TSC22D2: variants seen among roughly 807,000 people sequenced by gnomAD.
TSC22D2 encodes the protein TSC22 domain family protein 2.
A neutral mutation model predicts 50.1 loss-of-function variants in TSC22D2; 5 were observed. The observed-to-expected ratio is 0.10, with a 90% confidence interval of 0.05 to 0.21. The LOEUF is 0.21. Ranked by LOEUF, TSC22D2 falls within the 10% of genes least tolerant of loss-of-function variation. The probability of loss-of-function intolerance (pLI) is 1.00; values close to 1 mark genes in which losing one functional copy is unlikely to be tolerated. For synonymous variants in TSC22D2, 501 were observed against 450.1 expected (o/e 1.11, Z -1.43); for missense variants, 1,003 against 1,015.5 (o/e 0.99, Z 0.17).
chr3:150,411,037 C>A lies in TSC22D2; in HGVS notation c.1687C>A (p.Pro563Thr). 1 of 1,614,186 alleles carries A rather than the reference C, an allele frequency of 6.2e-7. No individual in the cohort carries two copies. The highest frequency in any genetic ancestry group is 8.5e-7 in the Non-Finnish European group (1 of 1,180,044). ...CCAGCATGTTGGGCTGCCCTTAGCG[C>A]CAGGCACACACAGCGCACCAACAAG... ...IIQHVGLPLAPGTHSAPTSLP... is the reference protein window; with the variant it reads ...IIQHVGLPLATGTHSAPTSLP... Residue 563 changes from proline to threonine, a missense_variant, in exon 1 of 3, where the codon CCA becomes ACA. By Grantham distance (38) the Pro-to-Thr change is conservative. Coordinates refer to ENST00000688009, the MANE Select transcript of TSC22D2 (RefSeq NM_001303264.2).
chr3:150,408,902 G>A lies in TSC22D2; in HGVS notation c.-449G>A. The A allele has an allele frequency of 6.1e-6, 1 of 164,628 alleles. No homozygotes were observed. Among genetic ancestry groups the A allele is most frequent in the Non-Finnish European group, 1.3e-5 (1 of 76,018 alleles). 10.2% of individuals were successfully genotyped at this position (164,628 alleles called of 1,614,324 possible). A position where few individuals can be genotyped will look rare whatever the true frequency, so the allele number is the denominator to read the frequency against. On this transcript the variant is annotated 5_prime_UTR_variant, in exon 1 of 3. Coordinates refer to ENST00000688009, the MANE Select transcript of TSC22D2 (RefSeq NM_001303264.2). ...GGGCAGCACCGCCCCTCACGCCGCCGCCACCGCCTCCTCCTCCTCCTCTTC... is the reference window on the plus strand; with the variant it reads ...GGGCAGCACCGCCCCTCACGCCGCCACCACCGCCTCCTCCTCCTCCTCTTC...
At chr3:150,445,002 A>G (rs1720833378) in intron 1 of TSC22D2, among the ~76,000 whole-genome samples, 2 of 152,168 alleles carry the variant, frequency 1.3e-5, no homozygotes, top group Admixed American at 1.3e-4. Flanking sequence ...TTCATATAAC[A>G]CTACTAAAGG....
At position 150,448,045 on chromosome 3, in the gene TSC22D2, A is replaced by G. The variant is rs370821006; in HGVS notation, c.1959-9031A>G. ...CCTGCTCTAAATGTTAAGTACTTCAATATCAAGGAAAATGCCACCCTCCTC... is the reference window on the plus strand; with the variant it reads ...CCTGCTCTAAATGTTAAGTACTTCAGTATCAAGGAAAATGCCACCCTCCTC... On this transcript the variant is annotated intron_variant, in intron 1 of 2. Transcript: ENST00000688009. 5.9e-5 allele frequency among the ~76,000 whole-genome samples: 9 copies of G among 152,314 alleles called. No individual in the cohort carries two copies. The East Asian group carries it at 7.7e-4, about 13-fold the overall frequency.
chr3:150,448,765 G>A (rs914362465), intron 1 of TSC22D2, among the ~76,000 whole-genome samples: 1 of 151,608 alleles, frequency 6.6e-6, no homozygotes, highest in Non-Finnish European at 1.5e-5. Context: ...CAAGAAAAAA[G>A]TAATTTTATC....
At chr3:150,449,960 A>G (rs1415728986) in intron 1 of TSC22D2, among the ~76,000 whole-genome samples, 1 of 151,870 alleles carries the variant, frequency 6.6e-6, no homozygotes, top group Non-Finnish European at 1.5e-5. Context: ...AGGAAAATTT[A>G]TTAGAGACTT....
At chr3:150,416,896 A>AGG (rs1229321386) in intron 1 of TSC22D2, among the ~76,000 whole-genome samples, 14 of 152,178 alleles carry the variant, frequency 9.2e-5, no homozygotes, top group Non-Finnish European at 1.0e-4. Context: ...CTCAAATCAG[A>AGG]CTTAAATAAT....
rs1721421590 is a variant in TSC22D2, at chr3:150,461,758, G to A, written c.*3122G>A. ...TTTTATAATCAAGCCTCCAGTGACT[G>A]GGGATCACAGCTGCCATTATTCACA... On this transcript the variant is annotated 3_prime_UTR_variant, in exon 3 of 3. Coordinates refer to ENST00000688009, the MANE Select transcript of TSC22D2 (RefSeq NM_001303264.2). 1 of 152,026 alleles carries A rather than the reference G, an allele frequency of 6.6e-6. No homozygotes were observed. The highest frequency in any genetic ancestry group is 1.5e-5 in the Non-Finnish European group (1 of 68,006). 9.4% of individuals were successfully genotyped at this position (152,026 alleles called of 1,614,324 possible).
In TSC22D2 at chr3:150,458,701, C is replaced by G; in HGVS notation, c.*65C>G. The G allele has an allele frequency of 6.3e-7, 1 of 1,579,316 alleles. No homozygotes were observed. ...TCTATCCTTGTGTGCCACTGGTGTT[C>G]TTTCCACTTTATACGAAAGCAAGTA... is the stretch of plus-strand genomic sequence containing the variant. On this transcript the variant is annotated 3_prime_UTR_variant, in exon 3 of 3. Coordinates refer to ENST00000688009, the MANE Select transcript of TSC22D2 (RefSeq NM_001303264.2).
rs1279236271 is a variant in TSC22D2 at position 150,464,772 on chromosome 3, A to G, written c.*6136A>G. ...GAGGGGAAAAGCCTTCCACCTCGAC[A>G]TCGAGCCTATGAAGTATTCCCTAAA... On this transcript the variant is annotated 3_prime_UTR_variant, in exon 3 of 3. Coordinates refer to ENST00000688009, the MANE Select transcript of TSC22D2 (RefSeq NM_001303264.2). The G allele has an allele frequency of 1.3e-5, 2 of 152,216 alleles. No homozygotes were observed. Among genetic ancestry groups the G allele is most frequent in the Non-Finnish European group, 2.9e-5 (2 of 68,018 alleles). 9.4% of individuals were successfully genotyped at this position (152,216 alleles called of 1,614,324 possible).
intron 1 of TSC22D2, among the ~76,000 whole-genome samples, chr3:150,417,629 A>C (rs1719861049): frequency 6.6e-6 from 1 of 152,032 alleles, no homozygotes; most frequent in Non-Finnish European, 1.5e-5. Flanking sequence ...CCTACCTGGG[A>C]GAGTTTTAAG....
rs772238928 is a variant in TSC22D2 at position 150,410,889 on chromosome 3, G to A, written c.1539G>A (p.Val513=). Residue 513 remains valine, a synonymous_variant, in exon 1 of 3, where the codon GTG becomes GTA. Transcript: ENST00000688009. ...GAGTTCCAAACGTGCCTGCAGCCGT[G>A]CCCGCTCCAAGCGTGCCTAGTGTGT... is the stretch of plus-strand genomic sequence containing the variant. The part of the protein sequence containing the change: ...VPGVPNVPAA[V]PAPSVPSVST... 1.9e-6 allele frequency: 3 copies of A among 1,614,000 alleles called. No individual in the cohort carries two copies. In the South Asian group the frequency reaches 3.3e-5, roughly 18 times the overall value.
chr3:150,449,558 A>G (rs1207778809), intron 1 of TSC22D2, among the ~76,000 whole-genome samples: 4 of 152,156 alleles, frequency 2.6e-5, no homozygotes, highest in African/African-American at 9.7e-5. Flanking sequence ...CCATCTCAGT[A>G]CTAGAAAAGT....
chr3:150,415,639 G>T (rs912024219), intron 1 of TSC22D2, among the ~76,000 whole-genome samples: 1 of 152,100 alleles, frequency 6.6e-6, no homozygotes, highest in Non-Finnish European at 1.5e-5. Flanking sequence ...ACATAGCGAG[G>T]CTTTGTCTCT....
intron 1 of TSC22D2, among the ~76,000 whole-genome samples, chr3:150,424,253 TA>T (rs1720100923): frequency 6.6e-6 from 1 of 152,214 alleles, no homozygotes; most frequent in South Asian, 2.1e-4. Flanking sequence ...TACATAAATG[TA>T]AATTGTGAGA....
chr3:150,409,037 GTT>G lies in TSC22D2; in HGVS notation c.-313_-312del, dbSNP rs1302469195. The G allele has an allele frequency of 4.1e-6, 1 of 242,838 alleles. No individual in the cohort carries two copies. Among genetic ancestry groups the G allele is most frequent in the Admixed American group, 5.0e-5 (1 of 20,062 alleles). The allele number at this position is 242,838 out of a possible 1,614,324, so 15.0% of individuals were successfully genotyped here. On this transcript the variant is annotated 5_prime_UTR_variant, in exon 1 of 3. Transcript: ENST00000688009. The surrounding 1 kb of genome is among the most constrained non-coding windows in gnomAD (Gnocchi z 7.4). ...GAGGAAGCAGCCGGCCCGCCCCTGG[GTT>G]CGCGCTCTCGCCGCCTCTGAGGGAA...
chr3:150,439,171 G>A (rs1381666288), intron 1 of TSC22D2, among the ~76,000 whole-genome samples: 1 of 151,952 alleles, frequency 6.6e-6, no homozygotes, highest in Non-Finnish European at 1.5e-5. Flanking sequence ...TTAAAGTGTG[G>A]TATGCATATC....
At position 150,411,022 on chromosome 3, in the gene TSC22D2, G is replaced by T; in HGVS notation, c.1672G>T (p.Gly558Trp). The part of the protein sequence containing the change: ...SRSSSIIQHV[G>W]LPLAPGTHSA... ...GAGCAGCAGCATAATCCAGCATGTT[G>T]GGCTGCCCTTAGCGCCAGGCACACA... The change falls in exon 1 of 3, where the codon GGG becomes TGG. Residue 558 changes from glycine to tryptophan, a missense_variant. By Grantham distance (184) the Gly-to-Trp change is radical. Coordinates refer to ENST00000688009, the MANE Select transcript of TSC22D2 (RefSeq NM_001303264.2). The T allele has an allele frequency of 6.2e-7, 1 of 1,614,198 alleles. No homozygotes were observed. The highest frequency in any genetic ancestry group is 1.3e-5 in the African/African-American group (1 of 75,052).
intron 1 of TSC22D2, among the ~76,000 whole-genome samples, chr3:150,423,965 C>T (rs1283721940): frequency 6.6e-6 from 1 of 152,174 alleles, no homozygotes; most frequent in Non-Finnish European, 1.5e-5. Context: ...CTCATGAACT[C>T]AACTCCATCT....
chr3:150,440,699 T>C (rs1720687443), intron 1 of TSC22D2, among the ~76,000 whole-genome samples: 2 of 152,150 alleles, frequency 1.3e-5, no homozygotes, highest in Non-Finnish European at 2.9e-5. Context: ...TTTTGCCCAC[T>C]TTTAAAGCAT....
Sources: gnomAD v4.1 joint callset for allele counts (sites outside exome capture counted in the v4.1 genomes callset) on GRCh38, gnomAD v4.1.1 for gene constraint, Gnocchi (gnomAD v3.1) non-coding constraint, MANE v1.5 for transcripts, NCBI Gene and HGNC (gene_info 2026-07-23, HGNC 2026-07-21) for gene names.